Variants in CNTNAP4 observed in about 807,000 individuals in gnomAD.
CNTNAP4 encodes contactin-associated protein-like 4.
Under a neutral mutation model 148.4 loss-of-function variants are expected in CNTNAP4, and 98 were observed. That is an observed-to-expected ratio of 0.66 (90% CI 0.56 to 0.78). The LOEUF (loss-of-function observed/expected upper bound fraction) is 0.78. CNTNAP4 is among the 30% of genes least tolerant of loss of function. The probability of loss-of-function intolerance (pLI) is 0.00; values close to 1 mark genes in which losing one functional copy is unlikely to be tolerated. For missense variants in CNTNAP4, 1,935 were observed against 1,565.6 expected, an observed-to-expected ratio of 1.24 and a Z score of -3.98; for synonymous variants, 730 against 565.1, an observed-to-expected ratio of 1.29 and a Z score of -4.14.
At chr16:76,423,620 A>G (rs994975582) in intron 3 of CNTNAP4, among the ~76,000 whole-genome samples, 1 of 152,196 alleles carries the variant, frequency 6.6e-6, no homozygotes, top group African/African-American at 2.4e-5. Context: ...TTGAAACTCA[A>G]TAGCATGCAC....
chr16:76,412,498 A>G (rs1335062211), intron 3 of CNTNAP4, among the ~76,000 whole-genome samples: 4 of 151,402 alleles, frequency 2.6e-5, no homozygotes, highest in Non-Finnish European at 4.4e-5. Flanking sequence ...TTTGTTCCAC[A>G]TTCTTGAAAA....
rs1207767683 is a variant in CNTNAP4, at chr16:76,558,817, G to T, written c.*134G>T. On this transcript the variant is annotated 3_prime_UTR_variant, in exon 24 of 24. Transcript: ENST00000611870. ...AGCACTGCCATCTTGCCATGTACAG[G>T]CTTGGGGTGGCTCCAGGAAGCCTCG... is the stretch of plus-strand genomic sequence containing the variant. The T allele has an allele frequency of 5.0e-6, 3 of 602,304 alleles. No individual in the cohort carries two copies. Among genetic ancestry groups the T allele is most frequent in the Non-Finnish European group, 8.4e-6 (3 of 358,124 alleles). 37.3% of individuals were successfully genotyped at this position (602,304 alleles called of 1,614,324 possible).
intron 3 of CNTNAP4, among the ~76,000 whole-genome samples, chr16:76,418,459 G>A (rs1354230100): frequency 6.8e-6 from 1 of 147,808 alleles, no homozygotes; most frequent in Non-Finnish European, 1.5e-5. Context: ...CTGATCTTTT[G>A]TTGGTTGTAT....
intron 1 of CNTNAP4, chr16:76,309,971 C>G (rs1005900568): frequency 1.5e-6 from 1 of 684,200 alleles, no homozygotes; most frequent in African/African-American, 1.8e-5. Flanking sequence ...AGCATGGAAA[C>G]GGACTAAAAC....
chr16:76,277,514 A>T lies in CNTNAP4; in HGVS notation c.-149A>T. The T allele has an allele frequency of 1.7e-6, 1 of 597,158 alleles. No homozygotes were observed. Among genetic ancestry groups the T allele is most frequent in the East Asian group, 2.8e-5 (1 of 35,746 alleles). 37.0% of individuals were successfully genotyped at this position (597,158 alleles called of 1,614,324 possible). On this transcript the variant is annotated 5_prime_UTR_variant, in exon 1 of 24. Coordinates refer to ENST00000611870, the MANE Select transcript of CNTNAP4 (RefSeq NM_033401.5). ...GAGAGGGAGGAGGGAAGAAGAAAAG[A>T]CGGAGGGAGGTGAGGAGGAAGGGAG...
chr16:76,477,046 G>T (rs1411524508), intron 11 of CNTNAP4, among the ~76,000 whole-genome samples: 1 of 151,992 alleles, frequency 6.6e-6, no homozygotes, highest in Non-Finnish European at 1.5e-5. Flanking sequence ...GCTCACCCTA[G>T]TAGGTGAATA....
intron 21 of CNTNAP4, among the ~76,000 whole-genome samples, chr16:76,541,338 A>C (rs146367062): frequency 1.6e-3 from 239 of 152,346 alleles, no homozygotes; most frequent in Middle Eastern, 0.014. Flanking sequence ...ATTACCTTTA[A>C]TTACAGCACT....
intron 15 of CNTNAP4, among the ~76,000 whole-genome samples, chr16:76,508,879 A>C (rs1396674909): frequency 1.1e-5 from 1 of 92,012 alleles, no homozygotes; most frequent in Non-Finnish European, 3.1e-5. Context: ...CAGCCTCCCG[A>C]GTAGCTGGGA....
intron 3 of CNTNAP4, among the ~76,000 whole-genome samples, chr16:76,402,060 A>G (rs1052734263): frequency 3.3e-5 from 5 of 152,176 alleles, no homozygotes; most frequent in Admixed American, 1.3e-4. Context: ...ACCTCATAGA[A>G]TAGGTTGGAG....
intron 3 of CNTNAP4, among the ~76,000 whole-genome samples, chr16:76,356,171 A>T (rs753606124): frequency 1.3e-5 from 2 of 152,126 alleles, no homozygotes; most frequent in African/African-American, 2.4e-5. Flanking sequence ...CACTGAGCCC[A>T]GCCTGCATTG....
intron 1 of CNTNAP4, among the ~76,000 whole-genome samples, chr16:76,308,695 C>T (rs2144011522): frequency 6.6e-6 from 1 of 152,330 alleles, no homozygotes; most frequent in East Asian, 1.9e-4. Flanking sequence ...GGCTGTGGGA[C>T]ACAATCATGG....
At chr16:76,476,311 G>A (rs1433670131) in intron 11 of CNTNAP4, among the ~76,000 whole-genome samples, 1 of 152,152 alleles carries the variant, frequency 6.6e-6, no homozygotes, top group African/African-American at 2.4e-5. Context: ...TTGTTATCTT[G>A]TTCTGTTACT....
intron 1 of CNTNAP4, among the ~76,000 whole-genome samples, chr16:76,280,701 G>A (rs1394809454): frequency 1.3e-5 from 2 of 152,034 alleles, no homozygotes; most frequent in South Asian, 4.1e-4. Flanking sequence ...GTTTAGAGAC[G>A]GATCCTTGCA....
intron 18 of CNTNAP4, among the ~76,000 whole-genome samples, chr16:76,536,059 C>T (rs890663530): frequency 1.3e-5 from 2 of 152,122 alleles, no homozygotes; most frequent in Admixed American, 1.3e-4. Flanking sequence ...TTAATAGTCA[C>T]CTTTATGTAT....
chr16:76,521,160 T>G lies in CNTNAP4; in HGVS notation c.2386T>G (p.Ser796Ala), dbSNP rs746012495. The G allele has an allele frequency of 6.3e-7, 1 of 1,594,180 alleles. No homozygotes were observed. Among genetic ancestry groups the G allele is most frequent in the Admixed American group, 1.8e-5 (1 of 54,468 alleles). Residue 796 changes from serine to alanine, a missense_variant, in exon 16 of 24, where the codon TCC becomes GCC. Physicochemically the swap from Ser to Ala is moderately conservative, Grantham distance 99. Coordinates refer to ENST00000611870, the MANE Select transcript of CNTNAP4 (RefSeq NM_033401.5). Reference protein sequence around the residue: ...QGDRSFWNSASFDTEASYLHF... With the variant: ...QGDRSFWNSAAFDTEASYLHF... Reference sequence around the variant, plus strand: ...AACAGGATCATTTTGGAATTCAGCTTCCTTTGATACCGAGGCTTCATATCT... The same window carrying G: ...AACAGGATCATTTTGGAATTCAGCTGCCTTTGATACCGAGGCTTCATATCT...
At chr16:76,519,111 A>G (rs1194809944) in intron 15 of CNTNAP4, among the ~76,000 whole-genome samples, 1 of 152,166 alleles carries the variant, frequency 6.6e-6, no homozygotes, top group Non-Finnish European at 1.5e-5. Flanking sequence ...TCATGGAAAT[A>G]TTGGCCTTTG....
rs59206208 is a variant in CNTNAP4 at position 76,483,231 on chromosome 16, A to AACACACACACACACACAC, written c.1882+3723_1882+3740dup. Among the ~76,000 whole-genome samples the AACACACACACACACACAC allele has an allele frequency of 1.3e-4, 18 of 140,112 alleles. 1 individual carries two copies. The highest frequency in any genetic ancestry group is 8.9e-4 in the East Asian group (4 of 4,508). The allele number at this position is 140,112 out of a possible 152,430, so 91.9% of individuals were successfully genotyped here. A position where few individuals can be genotyped will look rare whatever the true frequency, so the allele number is the denominator to read the frequency against. On this transcript the variant is annotated intron_variant, in intron 12 of 23. Coordinates refer to ENST00000611870, the MANE Select transcript of CNTNAP4 (RefSeq NM_033401.5). Reference sequence around the variant, plus strand: ...ATCTCTAGTCTTTGAAGTTTTAAGAAACACACACACACACACACACACACA... The same window carrying AACACACACACACACACAC: ...ATCTCTAGTCTTTGAAGTTTTAAGAAACACACACACACACACACACACACACACACACACACACACACA...
intron 10 of CNTNAP4, among the ~76,000 whole-genome samples, chr16:76,472,665 ATT>A (rs1568312601): frequency 1.3e-5 from 2 of 152,292 alleles, no homozygotes; most frequent in East Asian, 3.9e-4. Flanking sequence ...ATTGATGGGC[ATT>A]TTAGGTTGAT....
chr16:76,450,962 T>C (rs2080445935), intron 7 of CNTNAP4, among the ~76,000 whole-genome samples: 1 of 152,162 alleles, frequency 6.6e-6, no homozygotes, highest in Non-Finnish European at 1.5e-5. Flanking sequence ...TGTGGAGGCA[T>C]GTTGGAACTT....
Sources: gnomAD v4.1 joint callset for allele counts (sites outside exome capture counted in the v4.1 genomes callset) on GRCh38, gnomAD v4.1.1 for gene constraint, MANE v1.5 for transcripts, NCBI Gene and HGNC (gene_info 2026-07-23, HGNC 2026-07-21) for gene names.